KLHL7: variants seen among roughly 807,000 people sequenced by gnomAD.
The protein encoded by KLHL7 is kelch-like protein 7.
A neutral mutation model predicts 67.4 loss-of-function variants in KLHL7; 44 were observed. That is an observed-to-expected ratio of 0.65 (90% CI 0.51 to 0.84). KLHL7 has a LOEUF of 0.84. Ranked by LOEUF, KLHL7 falls within the 40% of genes least tolerant of loss-of-function variation. The pLI, the probability that KLHL7 is intolerant of heterozygous loss-of-function variation, is 0.00. For missense variants in KLHL7, 362 were observed against 718.1 expected (o/e 0.50, Z 5.67); for synonymous variants, 252 against 243.3 (o/e 1.04, Z -0.33).
At chr7:23,125,011 T>G (rs760045836) in intron 3 of KLHL7, 37 bp from the exon 4 acceptor site, 2 of 1,579,374 alleles carry the variant, frequency 1.3e-6, no homozygotes, top group Non-Finnish European at 1.7e-6. Flanking sequence ...TAATAAAAAA[T>G]CATGGGTAAC....
At chr7:23,106,478 A>G (rs1782644921) in intron 1 of KLHL7, 4 of 1,192,024 alleles carry the variant, frequency 3.4e-6, no homozygotes, top group Non-Finnish European at 4.2e-6. Context: ...TCCATTGGCG[A>G]GCCGTTTTAA....
chr7:23,169,261 AAAAAAAT>A (rs1341351449), intron 9 of KLHL7, among the ~76,000 whole-genome samples: 1 of 149,980 alleles, frequency 6.7e-6, no homozygotes, highest in Non-Finnish European at 1.5e-5. Flanking sequence ...TCCATCTCAA[AAAAAAAT>A]AAAAAATAAA....
chr7:23,123,828 C>T lies in KLHL7; in HGVS notation c.172C>T (p.His58Tyr). ...LMVQERKIPA[H>Y]RVVLAAASHF... The stretch of plus-strand genomic sequence containing the variant: ...GGTCCAGGAAAGAAAGATACCTGCT[C>T]ATCGTGTTGTTCTTGCTGCAGCCAG... Residue 58 changes from histidine (H) to tyrosine (Y), a missense_variant, in exon 2 of 11, where the codon CAT becomes TAT. This residue lies in a region of KLHL7 where 57 missense variants were observed against 81.7 expected (regional missense o/e 0.70). Transcript: ENST00000339077. 1.9e-6 allele frequency: 3 copies of T among 1,613,764 alleles called. No homozygotes were observed. Among genetic ancestry groups the T allele is most frequent in the Non-Finnish European group, 2.5e-6 (3 of 1,179,902 alleles).
intron 5 of KLHL7, among the ~76,000 whole-genome samples, chr7:23,143,584 A>AT (rs1275712078): frequency 3.7e-5 from 4 of 108,880 alleles, no homozygotes; most frequent in African/African-American, 3.0e-4. Context: ...AAAGGAAGCT[A>AT]TCTTTTTTTT....
chr7:23,144,624 A>G (rs1784298933), intron 6 of KLHL7, among the ~76,000 whole-genome samples: 1 of 152,138 alleles, frequency 6.6e-6, no homozygotes, highest in African/African-American at 2.4e-5. Flanking sequence ...CCTTCTGCAC[A>G]ATCCTGGGAA....
At chr7:23,112,958 G>A (rs1213413743) in intron 1 of KLHL7, among the ~76,000 whole-genome samples, 1 of 152,074 alleles carries the variant, frequency 6.6e-6, no homozygotes. Context: ...GACAGAGTGG[G>A]CAATTAATAG....
chr7:23,140,379 C>G (rs1222958423), intron 4 of KLHL7, among the ~76,000 whole-genome samples: 1 of 152,038 alleles, frequency 6.6e-6, no homozygotes, highest in African/African-American at 2.4e-5. Flanking sequence ...ACGGTGAAAC[C>G]CCGTCTCTAC....
intron 4 of KLHL7, among the ~76,000 whole-genome samples, chr7:23,135,428 A>G (rs1451106793): frequency 6.6e-6 from 1 of 152,220 alleles, no homozygotes; most frequent in Non-Finnish European, 1.5e-5. Flanking sequence ...GAAATAGTCT[A>G]TAAATATCTG....
intron 4 of KLHL7, chr7:23,129,367 G>T: frequency 2.6e-6 from 1 of 379,134 alleles, no homozygotes. Context: ...CTTGACCAAG[G>T]GAAACTCATC....
intron 1 of KLHL7, among the ~76,000 whole-genome samples, chr7:23,108,469 A>G (rs924313905): frequency 5.9e-5 from 9 of 152,222 alleles, no homozygotes; most frequent in African/African-American, 1.9e-4. Flanking sequence ...TCATAAATGT[A>G]TAGCTCAATT....
At chr7:23,143,150 T>A (rs1784246476) in intron 5 of KLHL7, among the ~76,000 whole-genome samples, 1 of 152,176 alleles carries the variant, frequency 6.6e-6, no homozygotes. Flanking sequence ...TAATTACAAA[T>A]ATCACCCCAA....
intron 4 of KLHL7, chr7:23,129,331 A>G: frequency 2.9e-6 from 1 of 345,512 alleles, no homozygotes; most frequent in Non-Finnish European, 5.7e-6. Flanking sequence ...CAGGGCACAT[A>G]AATTGGTATG....
rs558370750 is a variant in KLHL7 at position 23,116,585 on chromosome 7, T to G, written c.121-7192T>G. Among the ~76,000 whole-genome samples the G allele has an allele frequency of 2.8e-4, 42 of 152,372 alleles. 1 individual carries two copies. The South Asian group carries it at 8.3e-3, about 30-fold the overall frequency. ...AATACCTTTCTTTTTCTTTTCCTTA[T>G]GATTTTGGTGTTTGTTTTGCTTGCA... On this transcript the variant is annotated intron_variant, in intron 1 of 10. Transcript: ENST00000339077.
At chr7:23,156,035 C>G (rs1417153083) in intron 7 of KLHL7, 1 of 466,202 alleles carries the variant, frequency 2.1e-6, no homozygotes, top group Non-Finnish European at 4.4e-6. Flanking sequence ...GGAAGTGAGA[C>G]TGTAACTTCA....
rs1357546290 is a variant in KLHL7, at chr7:23,175,249, T to C, written c.*951T>C. 2 of 454,052 alleles carry C rather than the reference T, an allele frequency of 4.4e-6. No individual in the cohort carries two copies. The highest frequency in any genetic ancestry group is 1.6e-5 in the South Asian group (1 of 64,436). 28.1% of individuals were successfully genotyped at this position (454,052 alleles called of 1,614,324 possible). On this transcript the variant is annotated 3_prime_UTR_variant, in exon 11 of 11. Coordinates refer to ENST00000339077, the MANE Select transcript of KLHL7 (RefSeq NM_001031710.3). Reference sequence around the variant, plus strand: ...AAGTTTTGTAATCATGAGTTAGATATATGTCATCTCCTATTCATTGCTTTT... The same window carrying C: ...AAGTTTTGTAATCATGAGTTAGATACATGTCATCTCCTATTCATTGCTTTT...
chr7:23,112,969 A>G (rs1015709027), intron 1 of KLHL7, among the ~76,000 whole-genome samples: 1 of 152,162 alleles, frequency 6.6e-6, no homozygotes, highest in Non-Finnish European at 1.5e-5. Context: ...CAATTAATAG[A>G]TAATTCCTGA....
Position 23,110,605 on chromosome 7 carries a change from G to GT in KLHL7, c.120+4469dup, listed in dbSNP as rs59132202. 8.8e-3 allele frequency among the ~76,000 whole-genome samples: 1,279 copies of GT among 145,924 alleles called. 22 individuals are homozygous for GT. Among genetic ancestry groups the GT allele is most frequent in the African/African-American group, 0.029 (1,144 of 39,748 alleles). ...GAGTAAATTCACTACATTTTCTTTT[G>GT]TTTTTTTTTTAATTTTATTATTATT... On this transcript the variant is annotated intron_variant, in intron 1 of 10. Coordinates refer to ENST00000339077, the MANE Select transcript of KLHL7 (RefSeq NM_001031710.3).
Position 23,152,254 on chromosome 7 carries a change from A to G in KLHL7, c.936+45A>G, listed in dbSNP as rs751639692. On this transcript the variant is annotated intron_variant, in intron 7 of 10. Transcript: ENST00000339077. ...GGTTTTTGTTGTTGTCTTTGAAATC[A>G]CTGAACACATAAGACACTCACCAAC... 3.8e-6 allele frequency: 6 copies of G among 1,570,274 alleles called. No homozygotes were observed. In the Admixed American group the frequency reaches 5.0e-5, roughly 13 times the overall value.
intron 3 of KLHL7, 32 bp downstream of exon 3, chr7:23,124,813 G>A (rs1399030368): frequency 7.3e-7 from 1 of 1,363,700 alleles, no homozygotes; most frequent in East Asian, 2.3e-5. Flanking sequence ...TTTTAGAGAA[G>A]TAATGTTGGT....
Sources: gnomAD v4.1 joint callset for allele counts (sites outside exome capture counted in the v4.1 genomes callset) on GRCh38, gnomAD v4.1.1 for gene constraint, gnomAD v4.1.1 regional missense constraint, MANE v1.5 for transcripts, NCBI Gene and HGNC (gene_info 2026-07-23, HGNC 2026-07-21) for gene names.